The following SMC1B variants were observed in gnomAD, a reference collection of about 807,000 sequenced individuals.
SMC1B encodes structural maintenance of chromosomes 1B.
A neutral mutation model predicts 157.9 loss-of-function variants in SMC1B; 60 were observed. The observed-to-expected ratio is 0.38, with a 90% CI of 0.31 to 0.47. The LOEUF is 0.47. Among genes scored for constraint, SMC1B ranks in the 20% least tolerant of loss-of-function variants. The probability of loss-of-function intolerance (pLI) is 0.99; values close to 1 mark genes in which losing one functional copy is unlikely to be tolerated. For missense variants in SMC1B, 1,165 were observed against 1,426.2 expected (o/e 0.82, Z 2.95); for synonymous variants, 445 against 483.0 (o/e 0.92, Z 1.03).
chr22:45,407,235 G>C (rs1457567202), intron 2 of SMC1B, among the ~76,000 whole-genome samples: 1 of 152,118 alleles, frequency 6.6e-6, no homozygotes, highest in African/African-American at 2.4e-5. Flanking sequence ...TGTAAAGATT[G>C]AAAAACAACA....
Position 45,359,899 on chromosome 22 carries a change from C to T in SMC1B, c.2768G>A (p.Arg923Gln), listed in dbSNP as rs765906991. ...VSIQTSLEQK[R>Q]LEKHNLLLDC... is the part of the protein sequence containing the mutation. ...AAGCAGCAAGTTATGCTTCTCTAAT[C>T]GTTTCTGTTCCAGAGAAGTTTGAAT... Residue 923 changes from arginine to glutamine, a missense_variant, in exon 18 of 25, where the codon CGA becomes CAA. Coordinates refer to ENST00000357450, the MANE Select transcript of SMC1B (RefSeq NM_148674.5). 1.7e-5 allele frequency: 28 copies of T among 1,613,910 alleles called. No individual in the cohort carries two copies. Among genetic ancestry groups the T allele is most frequent in the Admixed American group, 1.5e-4 (9 of 59,996 alleles).
chr22:45,394,107 G>A (rs1277983901), intron 8 of SMC1B, among the ~76,000 whole-genome samples: 1 of 151,924 alleles, frequency 6.6e-6, no homozygotes, highest in Non-Finnish European at 1.5e-5. Flanking sequence ...GCTGGCTTGA[G>A]TCTAGGAATT....
intron 2 of SMC1B, 41 bp from the exon 3 acceptor site, chr22:45,406,906 AC>A: frequency 7.4e-7 from 1 of 1,351,366 alleles, no homozygotes; most frequent in Non-Finnish European, 1.0e-6. Flanking sequence ...ATATATAAAT[AC>A]CAGATATACC....
intron 21 of SMC1B, 74 bp downstream of exon 21, chr22:45,353,904 A>C (rs2086640314): frequency 1.6e-6 from 1 of 626,828 alleles, no homozygotes; most frequent in Non-Finnish European, 2.4e-6. Flanking sequence ...AAAAAAAAAA[A>C]AAAAAAAAAA....
intron 10 of SMC1B, among the ~76,000 whole-genome samples, chr22:45,388,849 G>A (rs895740612): frequency 2.0e-5 from 3 of 151,450 alleles, no homozygotes; most frequent in African/African-American, 4.8e-5. Context: ...TCAGCCGGGC[G>A]TGCTGGCACA....
Position 45,386,850 on chromosome 22 carries a change from C to T in SMC1B, c.1911+17G>A, listed in dbSNP as rs746638285. ...CTTCAACTTATCCAAAGGTGTGATCCAAGCCTCTTTTCTTACTTTCTGTCT... is the reference window on the plus strand; with the variant it reads ...CTTCAACTTATCCAAAGGTGTGATCTAAGCCTCTTTTCTTACTTTCTGTCT... On this transcript the variant is annotated intron_variant, in intron 11 of 24. Transcript: ENST00000357450. The T allele has an allele frequency of 6.2e-7, 1 of 1,608,556 alleles. No homozygotes were observed. The highest frequency in any genetic ancestry group is 1.3e-5 in the African/African-American group (1 of 74,882).
At chr22:45,379,384 T>C (rs1219670617) in intron 12 of SMC1B, among the ~76,000 whole-genome samples, 1 of 152,278 alleles carries the variant, frequency 6.6e-6, no homozygotes, top group Non-Finnish European at 1.5e-5. Context: ...AATCTACTCA[T>C]GTTTACCGTA....
chr22:45,366,750 A>C (rs1234021681), intron 15 of SMC1B, among the ~76,000 whole-genome samples: 1 of 152,242 alleles, frequency 6.6e-6, no homozygotes, highest in Non-Finnish European at 1.5e-5. Context: ...CTGGGATTAC[A>C]TGCATAAGCC....
chr22:45,369,044 CCACT>C, intron 15 of SMC1B, among the ~76,000 whole-genome samples: 1 of 151,966 alleles, frequency 6.6e-6, no homozygotes, highest in East Asian at 1.9e-4. Flanking sequence ...TTGAAAATTA[CCACT>C]TACTATCTAC....
intron 15 of SMC1B, among the ~76,000 whole-genome samples, chr22:45,368,926 G>T (rs2086802098): frequency 6.6e-6 from 1 of 152,134 alleles, no homozygotes; most frequent in Non-Finnish European, 1.5e-5. Context: ...TGTACCTGGT[G>T]TATTTGGCAA....
At chr22:45,413,397 G>A in intron 1 of SMC1B, 62 bp downstream of exon 1, 4 of 1,331,864 alleles carry the variant, frequency 3.0e-6, no homozygotes, top group African/African-American at 1.5e-5. Flanking sequence ...CACAGGCCAC[G>A]TGTGGCCTGG....
intron 12 of SMC1B, among the ~76,000 whole-genome samples, chr22:45,375,121 C>T (rs1006005998): frequency 8.5e-5 from 13 of 152,204 alleles, no homozygotes; most frequent in Non-Finnish European, 1.9e-4. Flanking sequence ...TATTCAGAGT[C>T]CCCACTCTGT....
At chr22:45,385,382 A>G (rs1218747309) in intron 11 of SMC1B, among the ~76,000 whole-genome samples, 3 of 152,164 alleles carry the variant, frequency 2.0e-5, no homozygotes, top group Non-Finnish European at 4.4e-5. Flanking sequence ...AGTATATAGA[A>G]AACCAAAAGC....
Position 45,379,106 on chromosome 22 carries a change from T to A in SMC1B, c.2058+4361A>T, listed in dbSNP as rs529871983. Among the ~76,000 whole-genome samples, 6 of 152,244 alleles carry A rather than the reference T, an allele frequency of 3.9e-5. No homozygotes were observed. The South Asian group carries it at 1.2e-3, about 32-fold the overall frequency. ...AAGCAATTCTCCTGCCTCAGCCTCC[T>A]GAGTAGCTGGGACTGCAGGTGCGTG... On this transcript the variant is annotated intron_variant, in intron 12 of 24. Coordinates refer to ENST00000357450, the MANE Select transcript of SMC1B (RefSeq NM_148674.5).
chr22:45,392,554 T>C (rs1275919803), intron 9 of SMC1B, among the ~76,000 whole-genome samples: 1 of 151,702 alleles, frequency 6.6e-6, no homozygotes, highest in African/African-American at 2.4e-5. Context: ...TTTTGTGACC[T>C]AGATTTACTC....
intron 6 of SMC1B, 33 bp from the exon 7 acceptor site, chr22:45,396,519 A>T: frequency 2.5e-6 from 4 of 1,580,286 alleles, no homozygotes; most frequent in Non-Finnish European, 3.4e-6. Flanking sequence ...TTGCTAATTC[A>T]CCTTAAGAAG....
intron 5 of SMC1B, among the ~76,000 whole-genome samples, chr22:45,399,977 A>G (rs2087173602): frequency 6.6e-6 from 1 of 152,258 alleles, no homozygotes; most frequent in Non-Finnish European, 1.5e-5. Flanking sequence ...GTTACAGATA[A>G]GCAAGAGAAG....
intron 15 of SMC1B, among the ~76,000 whole-genome samples, chr22:45,368,409 C>T (rs906043053): frequency 4.0e-5 from 6 of 151,504 alleles, no homozygotes; most frequent in Non-Finnish European, 8.8e-5. Context: ...TTATAGGTGA[C>T]ATTGATTTAC....
chr22:45,353,923 A>AAAACC, intron 21 of SMC1B, 55 bp downstream of exon 21: 1 of 1,036,894 alleles, frequency 9.6e-7, no homozygotes. Context: ...AAAAAAAACA[A>AAAACC]CCACCACCGG....
Sources: allele counts gnomAD v4.1 joint callset (sites outside exome capture counted in the v4.1 genomes callset), GRCh38; gene constraint gnomAD v4.1.1; transcripts MANE v1.5; gene names NCBI Gene and HGNC (gene_info 2026-07-23, HGNC 2026-07-21).